The following PDE1C variants were observed in gnomAD, a reference collection of about 807,000 sequenced individuals.
PDE1C encodes phosphodiesterase 1C, also known as dual specificity calcium/calmodulin-dependent 3',5'-cyclic nucleotide phosphodiesterase 1C.
In PDE1C, 62 loss-of-function variants were observed where a neutral mutation model predicts 93.1. The observed-to-expected ratio is 0.67, with a 90% confidence interval of 0.54 to 0.82. PDE1C has a LOEUF of 0.82. Ranked by LOEUF, PDE1C falls within the 40% of genes least tolerant of loss-of-function variation. The pLI, the probability that PDE1C is intolerant of heterozygous loss-of-function variation, is 0.00. For synonymous variants in PDE1C, 325 were observed against 310.1 expected, an observed-to-expected ratio of 1.05 and a Z score of -0.50; for missense variants, 742 against 884.6, an observed-to-expected ratio of 0.84 and a Z score of 2.04.
Position 31,946,695 on chromosome 7 carries a change from T to G in PDE1C, c.129-65835A>C, listed in dbSNP as rs1806659497. On this transcript the variant is annotated intron_variant, in intron 2 of 17. Transcript: ENST00000396191. ...AATAAATAGCATGGGCTCCCAGAGCTCGGAGCCTTCACAACCTCCACACTA... is the reference window on the plus strand; with the variant it reads ...AATAAATAGCATGGGCTCCCAGAGCGCGGAGCCTTCACAACCTCCACACTA... Among the ~76,000 whole-genome samples, 3 of 152,308 alleles carry G rather than the reference T, an allele frequency of 2.0e-5. No individual in the cohort carries two copies. In the South Asian group the frequency reaches 6.2e-4, roughly 32 times the overall value.
chr7:31,936,246 G>A (rs573454629), intron 2 of PDE1C, among the ~76,000 whole-genome samples: 2 of 152,180 alleles, frequency 1.3e-5, no homozygotes, highest in East Asian at 1.9e-4. Context: ...CCTATCATGT[G>A]GGTTGGGATA....
chr7:31,658,375 G>A, the PDE1C span: 2 of 1,513,094 alleles, frequency 1.3e-6, no homozygotes, highest in Non-Finnish European at 1.8e-6. Flanking sequence ...GAAGACACAA[G>A]ACTCTGGTCT....
chr7:32,417,670 T>TA (rs200338870), intron 1 of PDE1C, among the ~76,000 whole-genome samples: 4,574 of 112,374 alleles, frequency 0.041, 93 homozygotes, highest in South Asian at 0.082. Flanking sequence ...CCCAATTTAG[T>TA]AAAAAAAAAA....
chr7:32,212,390 G>A (rs1806112108), intron 1 of PDE1C, among the ~76,000 whole-genome samples: 1 of 152,184 alleles, frequency 6.6e-6, no homozygotes, highest in East Asian at 1.9e-4. Context: ...ATCCAGACCA[G>A]TGGGACACCA....
At chr7:32,112,840 GTGTGTGTATATATATATATATATA>G (rs1798741260) in intron 3 of PDE1C, among the ~76,000 whole-genome samples, 1 of 53,674 alleles carries the variant, frequency 1.9e-5, no homozygotes, top group African/African-American at 9.4e-5. Flanking sequence ...GTGTGTGTGT[GTGTGTGTATATATATATATATATA>G]TATATATATC....
chr7:31,991,496 C>A (rs187724176), intron 2 of PDE1C, among the ~76,000 whole-genome samples: 32 of 152,242 alleles, frequency 2.1e-4, no homozygotes, highest in Admixed American at 1.8e-3. Flanking sequence ...GTTCTCTTTG[C>A]CTTCACATAG....
chr7:32,425,121 CAT>C (rs917109367), intron 1 of PDE1C, among the ~76,000 whole-genome samples: 24 of 146,142 alleles, frequency 1.6e-4, no homozygotes, highest in African/African-American at 3.7e-4. Context: ...TATTATATTA[CAT>C]ATATATATAT....
At chr7:31,723,491 A>T in the PDE1C span, among the ~76,000 whole-genome samples, 1 of 152,200 alleles carries the variant, frequency 6.6e-6, no homozygotes. Context: ...GGCCTCCCCA[A>T]GTCACTCAGT....
At chr7:32,118,630 G>T (rs898374252) in intron 3 of PDE1C, among the ~76,000 whole-genome samples, 5 of 152,144 alleles carry the variant, frequency 3.3e-5, no homozygotes, top group Middle Eastern at 3.2e-3. Flanking sequence ...CTGGTGGAAA[G>T]GCAAACAAGC....
chr7:32,045,850 T>C (rs76140231), intron 2 of PDE1C, among the ~76,000 whole-genome samples: 2,884 of 152,220 alleles, frequency 0.019, 103 homozygotes, highest in African/African-American at 0.065. Flanking sequence ...CCACTCGCCT[T>C]CCCTCCCTTC....
At chr7:32,030,136 A>G (rs907946220) in intron 2 of PDE1C, among the ~76,000 whole-genome samples, 2 of 150,120 alleles carry the variant, frequency 1.3e-5, no homozygotes, top group African/African-American at 4.9e-5. Context: ...AAGTGACAAT[A>G]GCTATAATCT....
chr7:32,079,373 G>A (rs187629337), intron 3 of PDE1C, among the ~76,000 whole-genome samples: 2 of 152,348 alleles, frequency 1.3e-5, no homozygotes, highest in African/African-American at 4.8e-5. Context: ...AAAACAGGGT[G>A]CAGTGCAGAG....
chr7:31,735,732 T>G, the PDE1C span, among the ~76,000 whole-genome samples: 1 of 152,288 alleles, frequency 6.6e-6, no homozygotes, highest in Non-Finnish European at 1.5e-5. Flanking sequence ...TCTTTTTCCT[T>G]TTGGGTCTGT....
intron 3 of PDE1C, among the ~76,000 whole-genome samples, chr7:32,150,953 G>GCT (rs1348987363): frequency 6.6e-6 from 1 of 152,100 alleles, no homozygotes; most frequent in East Asian, 1.9e-4. Flanking sequence ...GAAGCAGCTT[G>GCT]CATGAGTTCT....
chr7:32,383,560 A>T lies in PDE1C; in HGVS notation c.310+44262T>A, dbSNP rs376765277. ...CCTTTGGGGATTCTGCTGTCAATGG[A>T]AAAGACCAGGAAAGACTGTTCTATG... On this transcript the variant is annotated intron_variant, in intron 1 of 1. Coordinates refer to the PDE1C transcript ENST00000672256. 1.9e-4 allele frequency among the ~76,000 whole-genome samples: 29 copies of T among 152,314 alleles called. 1 individual carries two copies. The highest frequency in any genetic ancestry group is 1.7e-3 in the East Asian group (9 of 5,180).
intron 1 of PDE1C, among the ~76,000 whole-genome samples, chr7:32,423,153 T>C (rs1785465657): frequency 6.6e-6 from 1 of 152,126 alleles, no homozygotes; most frequent in South Asian, 2.1e-4. Flanking sequence ...TATGGGAAGA[T>C]TTCTTGAACC....
chr7:32,065,741 A>C (rs1176547922), intron 1 of PDE1C, among the ~76,000 whole-genome samples: 1 of 152,236 alleles, frequency 6.6e-6, no homozygotes, highest in Non-Finnish European at 1.5e-5. Context: ...AGAAATTTAA[A>C]ACCAAAGGTC....
At chr7:32,380,805 C>T (rs1251178565) in intron 1 of PDE1C, among the ~76,000 whole-genome samples, 1 of 152,112 alleles carries the variant, frequency 6.6e-6, no homozygotes, top group Non-Finnish European at 1.5e-5. Context: ...GGGCTGTCCT[C>T]AGCTTTCTGA....
chr7:31,755,576 A>C (rs886837156), intron 17 of PDE1C, among the ~76,000 whole-genome samples: 4 of 151,888 alleles, frequency 2.6e-5, no homozygotes, highest in Non-Finnish European at 4.4e-5. Flanking sequence ...AGTGTTCAAA[A>C]AAAACAAAAC....
Sources: allele counts gnomAD v4.1 joint callset (sites outside exome capture counted in the v4.1 genomes callset), GRCh38; gene constraint gnomAD v4.1.1; transcripts MANE v1.5; gene names NCBI Gene and HGNC (gene_info 2026-07-23, HGNC 2026-07-21).